NR2F1-AS1: variants seen among roughly 807,000 people sequenced by gnomAD.
The protein encoded by NR2F1-AS1 is NR2F1 antisense RNA 1.
Position 93,461,017 on chromosome 5 carries a change from T to C in NR2F1-AS1, n.639-65475A>G, listed in dbSNP as rs1335243047. On this transcript the variant is annotated intron_variant and non_coding_transcript_variant, in intron 4 of 5. Transcript: ENST00000660523. ...CAAAGGAATATAAAGCACTCTGTTA[T>C]AAAGATACATGCATGCATATGTTCA... Among the ~76,000 whole-genome samples, 6 of 152,218 alleles carry C rather than the reference T, an allele frequency of 3.9e-5. No homozygotes were observed. In the East Asian group the frequency reaches 1.2e-3, roughly 29 times the overall value.
chr5:93,509,574 T>C (rs1442687105), intron 4 of NR2F1-AS1, among the ~76,000 whole-genome samples: 1 of 152,018 alleles, frequency 6.6e-6, no homozygotes, highest in Non-Finnish European at 1.5e-5. Context: ...TGGTTATCTC[T>C]GGAGAAGTAA....
chr5:93,501,075 A>C (rs928068816), intron 4 of NR2F1-AS1, among the ~76,000 whole-genome samples: 2 of 152,200 alleles, frequency 1.3e-5, no homozygotes, highest in African/African-American at 2.4e-5. Context: ...GGAGATCAAA[A>C]TATCAACATG....
At chr5:93,513,120 C>T (rs1425125778) in intron 4 of NR2F1-AS1, among the ~76,000 whole-genome samples, 1 of 152,126 alleles carries the variant, frequency 6.6e-6, no homozygotes, top group Non-Finnish European at 1.5e-5. Flanking sequence ...GAGATGCCAT[C>T]TCATACAAGT....
At chr5:93,564,911 C>T (rs1288613202) in intron 1 of NR2F1-AS1, among the ~76,000 whole-genome samples, 1 of 152,078 alleles carries the variant, frequency 6.6e-6, no homozygotes, top group Non-Finnish European at 1.5e-5. Context: ...TACAGAAGAG[C>T]TTCACAGGTT....
At chr5:93,495,017 A>G (rs1750928983) in intron 4 of NR2F1-AS1, among the ~76,000 whole-genome samples, 1 of 152,190 alleles carries the variant, frequency 6.6e-6, no homozygotes, top group Non-Finnish European at 1.5e-5. Context: ...ACAGCAGATT[A>G]GCAGATAACA....
At chr5:93,411,908 G>A (rs1008722623) in intron 4 of NR2F1-AS1, among the ~76,000 whole-genome samples, 1 of 152,166 alleles carries the variant, frequency 6.6e-6, no homozygotes, top group Non-Finnish European at 1.5e-5. Flanking sequence ...GCACCATATG[G>A]ATGGCTGGGA....
At chr5:93,494,725 A>G (rs1372706426) in intron 4 of NR2F1-AS1, among the ~76,000 whole-genome samples, 1 of 152,234 alleles carries the variant, frequency 6.6e-6, no homozygotes, top group Non-Finnish European at 1.5e-5. Context: ...TGTTCCTCAA[A>G]AAGTTAAACA....
chr5:93,415,105 C>T (rs1276073032), intron 4 of NR2F1-AS1, among the ~76,000 whole-genome samples: 1 of 152,178 alleles, frequency 6.6e-6, no homozygotes, highest in Non-Finnish European at 1.5e-5. Context: ...TGTCAAGGAG[C>T]TCCTTCTTTC....
intron 4 of NR2F1-AS1, among the ~76,000 whole-genome samples, chr5:93,411,745 A>C (rs939521936): frequency 2.4e-5 from 2 of 82,762 alleles, no homozygotes; most frequent in Non-Finnish European, 7.7e-5. Flanking sequence ...CAGAAATATC[A>C]CATACCTGCA....
intron 4 of NR2F1-AS1, among the ~76,000 whole-genome samples, chr5:93,539,983 G>T (rs1751916971): frequency 6.6e-6 from 1 of 152,122 alleles, no homozygotes; most frequent in African/African-American, 2.4e-5. Context: ...ATGTGAATTA[G>T]CCCAAGATAA....
At chr5:93,451,791 T>C (rs1749836810) in intron 4 of NR2F1-AS1, among the ~76,000 whole-genome samples, 1 of 152,188 alleles carries the variant, frequency 6.6e-6, no homozygotes, top group Non-Finnish European at 1.5e-5. Flanking sequence ...GCACCTGGCA[T>C]ATGTTCAGTA....
chr5:93,503,603 G>A (rs546945112), intron 4 of NR2F1-AS1, among the ~76,000 whole-genome samples: 10 of 152,152 alleles, frequency 6.6e-5, no homozygotes, highest in South Asian at 6.2e-4. Flanking sequence ...TTTGTACAAC[G>A]TGGTTTAAAC....
chr5:93,508,701 C>G (rs1174178762), intron 4 of NR2F1-AS1, among the ~76,000 whole-genome samples: 1 of 150,824 alleles, frequency 6.6e-6, no homozygotes, highest in Non-Finnish European at 1.5e-5. Context: ...ATGCATATGA[C>G]CAAACATGAA....
intron 4 of NR2F1-AS1, among the ~76,000 whole-genome samples, chr5:93,507,330 TTTTTGTTTTGTTTTGTTTTG>T (rs140764241): frequency 1.4e-4 from 21 of 150,006 alleles, no homozygotes; most frequent in East Asian, 6.0e-4. Flanking sequence ...TTTGGGGTTT[TTTTTGTTTTGTTTTGTTTTG>T]TTTTGTTTTG....
chr5:93,493,210 AAC>A (rs1307954614), intron 4 of NR2F1-AS1, among the ~76,000 whole-genome samples: 1 of 152,150 alleles, frequency 6.6e-6, no homozygotes, highest in Non-Finnish European at 1.5e-5. Context: ...GTATAAGATC[AAC>A]ACACAAAAAT....
At chr5:93,574,632 G>A (rs1436504620) in intron 1 of NR2F1-AS1, among the ~76,000 whole-genome samples, 1 of 152,200 alleles carries the variant, frequency 6.6e-6, no homozygotes, top group African/African-American at 2.4e-5. Context: ...GCCACTCTGA[G>A]TTTAAAGCCA....
At chr5:93,491,601 A>G (rs1355265420) in intron 4 of NR2F1-AS1, among the ~76,000 whole-genome samples, 2 of 152,162 alleles carry the variant, frequency 1.3e-5, no homozygotes, top group Non-Finnish European at 2.9e-5. Flanking sequence ...TAACAAAGGA[A>G]AGAAGATCTG....
At chr5:93,505,483 C>G (rs1017571581) in intron 4 of NR2F1-AS1, among the ~76,000 whole-genome samples, 1 of 152,336 alleles carries the variant, frequency 6.6e-6, no homozygotes. Flanking sequence ...ACTGCCCCAG[C>G]AGAGGTTCTC....
At chr5:93,546,745 TGTG>T (rs1752097099) in intron 4 of NR2F1-AS1, among the ~76,000 whole-genome samples, 1 of 152,170 alleles carries the variant, frequency 6.6e-6, no homozygotes, top group Non-Finnish European at 1.5e-5. Context: ...TTCTGTGACT[TGTG>T]ACATAAATAA....
Sources: gnomAD v4.1 joint callset for allele counts (sites outside exome capture counted in the v4.1 genomes callset) on GRCh38, gnomAD v4.1.1 for gene constraint, MANE v1.5 for transcripts, NCBI Gene and HGNC (gene_info 2026-07-23, HGNC 2026-07-21) for gene names.